CYTIP: variants seen among roughly 807,000 people sequenced by gnomAD.
CYTIP encodes the protein cytohesin 1 interacting protein.
CYTIP carries 26 observed loss-of-function variants against 43.8 expected under a neutral mutation model. That is an observed-to-expected ratio of 0.59 (90% CI 0.44 to 0.82). The LOEUF (loss-of-function observed/expected upper bound fraction) is 0.82, where lower values mean the gene tolerates loss of function less well. CYTIP is among the 40% of genes least tolerant of loss of function. CYTIP has a pLI of 0.00. For synonymous variants in CYTIP, 162 were observed against 162.9 expected (o/e 0.99, Z 0.04); for missense variants, 426 against 443.1 (o/e 0.96, Z 0.35).
intron 5 of CYTIP, among the ~76,000 whole-genome samples, chr2:157,429,698 C>G (rs926986889): frequency 6.6e-6 from 1 of 152,086 alleles, no homozygotes; most frequent in Non-Finnish European, 1.5e-5. Flanking sequence ...AAAAATCAGT[C>G]AAACCTCTAA....
At chr2:157,416,323 T>A (rs1303080080) in intron 7 of CYTIP, among the ~76,000 whole-genome samples, 180 bp from the exon 8 acceptor site, 5 of 152,234 alleles carry the variant, frequency 3.3e-5, no homozygotes, top group Non-Finnish European at 7.3e-5. Context: ...AACCTTATAG[T>A]AGGGTTTCCT....
chr2:157,415,976 A>G lies in CYTIP; in HGVS notation c.781T>C (p.Tyr261His), dbSNP rs201702906. Residue 261 changes from tyrosine (Y) to histidine (H), a missense_variant, in exon 8 of 8, where the codon TAC becomes CAC. Transcript: ENST00000264192. ...GAGTCCTCAGACACACACGTCTGGT[A>G]GCCATCTTCACTGTCCATCGTCATG... ...SSMTMDSEDG[Y>H]QTCVSEDSSR... The G allele has an allele frequency of 3.8e-5, 62 of 1,614,098 alleles. 1 individual carries two copies. Among genetic ancestry groups the G allele is most frequent in the Non-Finnish European group, 4.9e-5 (58 of 1,180,046 alleles).
In CYTIP at chr2:157,415,347, A is replaced by G. The variant is rs532704162; in HGVS notation, c.*330T>C. 5.1e-4 allele frequency: 109 copies of G among 213,146 alleles called. No homozygotes were observed. The highest frequency in any genetic ancestry group is 2.4e-3 in the African/African-American group (102 of 42,920). The allele number at this position is 213,146 out of a possible 1,614,324, so 13.2% of individuals were successfully genotyped here. On this transcript the variant is annotated 3_prime_UTR_variant, in exon 8 of 8. Transcript: ENST00000264192. Reference sequence around the variant, plus strand: ...CACACCTTTATTCATACTTGACTCCAAAAAGTTCTCAATTATTCACAGGGA... The same window carrying G: ...CACACCTTTATTCATACTTGACTCCGAAAAGTTCTCAATTATTCACAGGGA...
chr2:157,419,403 C>G (rs1029057000), intron 6 of CYTIP, among the ~76,000 whole-genome samples: 2 of 152,204 alleles, frequency 1.3e-5, no homozygotes, highest in African/African-American at 2.4e-5. Context: ...TTAACTGCCT[C>G]CCTTCTTGGC....
At chr2:157,431,046 T>C in intron 3 of CYTIP, 84 bp from the exon 4 acceptor site, 2 of 1,092,710 alleles carry the variant, frequency 1.8e-6, no homozygotes, top group South Asian at 3.0e-5. Flanking sequence ...TCAATTATCA[T>C]TAAGCAGTAT....
intron 3 of CYTIP, among the ~76,000 whole-genome samples, chr2:157,431,800 AC>A (rs1427731822): frequency 6.6e-6 from 1 of 152,218 alleles, no homozygotes; most frequent in African/African-American, 2.4e-5. Flanking sequence ...AAATTAAGCT[AC>A]ATTAAAGTAG....
At chr2:157,424,319 C>A (rs1243658672) in intron 6 of CYTIP, among the ~76,000 whole-genome samples, 2 of 151,978 alleles carry the variant, frequency 1.3e-5, no homozygotes, top group African/African-American at 2.4e-5. Flanking sequence ...TCAATCAAAG[C>A]ATTAGTTTTT....
At chr2:157,435,449 C>T (rs984977904) in intron 1 of CYTIP, among the ~76,000 whole-genome samples, 5 of 152,122 alleles carry the variant, frequency 3.3e-5, no homozygotes, top group African/African-American at 1.2e-4. Context: ...AGGAAAGAAA[C>T]CTCAGAATAG....
At chr2:157,430,509 T>G in intron 5 of CYTIP, 50 bp downstream of exon 5, 66 of 1,506,906 alleles carry the variant, frequency 4.4e-5, no homozygotes, top group Non-Finnish European at 5.6e-5. Context: ...TCAGGCTTTA[T>G]GAGAAAACAT....
Position 157,418,565 on chromosome 2 carries a change from C to A in CYTIP, c.571G>T (p.Glu191Ter). 1 of 1,574,532 alleles carries A rather than the reference C, an allele frequency of 6.4e-7. No individual in the cohort carries two copies. The highest frequency in any genetic ancestry group is 1.2e-5 in the South Asian group (1 of 82,952). Residue 191 changes from glutamate (E) to a stop codon, truncating the protein, a stop_gained, in exon 7 of 8, where the codon GAG becomes TAG. Transcript: ENST00000264192. LOFTEE classifies it high-confidence loss of function. ...TCCTGTAACTGCAGAGATCTGTACT[C>A]CACCCATTTTTGTTTCAAAGTTTGC... is the stretch of plus-strand genomic sequence containing the variant. ...LKQTLKQKWV[E>*]YRSLQLQEHR...
At chr2:157,428,360 A>G (rs749801484) in intron 5 of CYTIP, among the ~76,000 whole-genome samples, 6 of 152,222 alleles carry the variant, frequency 3.9e-5, no homozygotes, top group Non-Finnish European at 8.8e-5. Flanking sequence ...TCAGTCTTCT[A>G]CTTCTAATAG....
intron 1 of CYTIP, among the ~76,000 whole-genome samples, chr2:157,436,826 A>G (rs1685815156): frequency 6.6e-6 from 1 of 152,228 alleles, no homozygotes; most frequent in South Asian, 2.1e-4. Flanking sequence ...TTGAAGAGCC[A>G]CATTAAATAT....
At chr2:157,438,524 G>C (rs1685852036) in intron 1 of CYTIP, among the ~76,000 whole-genome samples, 1 of 152,116 alleles carries the variant, frequency 6.6e-6, no homozygotes, top group Non-Finnish European at 1.5e-5. Flanking sequence ...GTTAGAAGGA[G>C]GATATTCAAC....
chr2:157,441,858 A>T (rs2105148589), intron 1 of CYTIP, among the ~76,000 whole-genome samples: 1 of 152,174 alleles, frequency 6.6e-6, no homozygotes, highest in South Asian at 2.1e-4. Flanking sequence ...CCTCACCACT[A>T]GTCTCTACTC....
chr2:157,418,635 C>T lies in CYTIP; in HGVS notation c.547-46G>A, dbSNP rs546698810. On this transcript the variant is annotated intron_variant, in intron 6 of 7. Transcript: ENST00000264192. The stretch of plus-strand genomic sequence containing the variant: ...AAAAAAAGTTTTTATTATTAGGAAA[C>T]CCCAGTGAAGCTAGCAATTTAATTC... 7.4e-6 allele frequency: 11 copies of T among 1,493,740 alleles called. No homozygotes were observed. The East Asian group carries it at 2.6e-4, about 35-fold the overall frequency. 92.5% of individuals were successfully genotyped at this position (1,493,740 alleles called of 1,614,324 possible).
intron 1 of CYTIP, among the ~76,000 whole-genome samples, chr2:157,442,575 T>C (rs939196475): frequency 1.3e-5 from 2 of 152,100 alleles, no homozygotes; most frequent in African/African-American, 4.8e-5. Flanking sequence ...ATCTGAAAAC[T>C]GAAAAAAGAT....
chr2:157,418,309 C>G (rs1685468933), intron 7 of CYTIP, among the ~76,000 whole-genome samples: 1 of 152,188 alleles, frequency 6.6e-6, no homozygotes, highest in Admixed American at 6.5e-5. Flanking sequence ...GCATGTGCAT[C>G]TGCGTCATGA....
chr2:157,440,981 T>C (rs1372875637), intron 1 of CYTIP, among the ~76,000 whole-genome samples: 1 of 152,050 alleles, frequency 6.6e-6, no homozygotes, highest in Non-Finnish European at 1.5e-5. Context: ...GTAGAAGCCA[T>C]ACTGGGGTGT....
chr2:157,429,840 G>A (rs1459232827), intron 5 of CYTIP, among the ~76,000 whole-genome samples: 1 of 151,830 alleles, frequency 6.6e-6, no homozygotes, highest in African/African-American at 2.4e-5. Context: ...TGGCTAACAC[G>A]ATGAAACCCC....
Sources: allele counts gnomAD v4.1 joint callset (sites outside exome capture counted in the v4.1 genomes callset), GRCh38; gene constraint gnomAD v4.1.1; transcripts MANE v1.5; gene names NCBI Gene and HGNC (gene_info 2026-07-23, HGNC 2026-07-21).